Variants in DPP10 observed in about 807,000 individuals in gnomAD.
The protein encoded by DPP10 is inactive dipeptidyl peptidase 10.
Under a neutral mutation model 120.9 loss-of-function variants are expected in DPP10, and 33 were observed. The ratio of observed to expected loss-of-function variants is 0.27; its 90% CI spans 0.21 to 0.37. The LOEUF (loss-of-function observed/expected upper bound fraction) is 0.37. DPP10 is among the 10% of genes least tolerant of loss of function. The pLI is 1.00. For synonymous variants in DPP10, 337 were observed against 326.1 expected, an observed-to-expected ratio of 1.03 and a Z score of -0.36; for missense variants, 816 against 942.8, an observed-to-expected ratio of 0.87 and a Z score of 1.76.
chr2:114,761,572 A>G (rs1680286493), intron 1 of DPP10, among the ~76,000 whole-genome samples: 1 of 152,198 alleles, frequency 6.6e-6, no homozygotes, highest in South Asian at 2.1e-4. Flanking sequence ...GATGTAACCT[A>G]GACCCCTTTG....
intron 1 of DPP10, among the ~76,000 whole-genome samples, chr2:114,953,464 G>C (rs939329756): frequency 2.0e-5 from 3 of 151,954 alleles, no homozygotes; most frequent in Non-Finnish European, 4.4e-5. Context: ...AGTTTTTCTT[G>C]CTCTCACATG....
In DPP10 at chr2:115,843,321, T is replaced by C. The variant is rs1432060164; in HGVS notation, c.*976T>C. The C allele has an allele frequency of 6.6e-6, 1 of 152,644 alleles. No homozygotes were observed. Among genetic ancestry groups the C allele is most frequent in the East Asian group, 1.9e-4 (1 of 5,190 alleles). The allele number at this position is 152,644 out of a possible 1,614,324, so 9.5% of individuals were successfully genotyped here. On this transcript the variant is annotated 3_prime_UTR_variant, in exon 26 of 26. Transcript: ENST00000410059. ...TATAGTTTCTGATAAAGAAATTTTG[T>C]TAACAATGCAATGCCACTGAGTGCT... is the stretch of plus-strand genomic sequence containing the variant.
intron 1 of DPP10, among the ~76,000 whole-genome samples, chr2:115,046,796 T>C (rs941996440): frequency 1.3e-5 from 2 of 152,076 alleles, no homozygotes; most frequent in African/African-American, 4.8e-5. Flanking sequence ...TATTTTTCAG[T>C]TCTTTTCATT....
At chr2:115,780,839 G>A (rs2149864458) in intron 15 of DPP10, 35 bp from the exon 16 acceptor site, 2 of 1,583,318 alleles carry the variant, frequency 1.3e-6, no homozygotes, top group South Asian at 1.2e-5. Flanking sequence ...TAGAATAGTA[G>A]CATTTCTATA....
intron 1 of DPP10, among the ~76,000 whole-genome samples, chr2:114,831,058 T>G (rs1416807238): frequency 1.4e-5 from 1 of 72,284 alleles, no homozygotes; most frequent in Non-Finnish European, 3.2e-5. Flanking sequence ...TTTTTTTTTT[T>G]GCTAAATTTT....
intron 1 of DPP10, among the ~76,000 whole-genome samples, chr2:115,033,711 T>TTTA (rs397985549): frequency 1.5e-5 from 2 of 135,558 alleles, no homozygotes; most frequent in East Asian, 4.2e-4. Context: ...TTTTTTTTTT[T>TTTA]ATTTTTAGAG....
chr2:115,572,142 T>G (rs2081369978), intron 5 of DPP10, among the ~76,000 whole-genome samples: 1 of 151,538 alleles, frequency 6.6e-6, no homozygotes, highest in African/African-American at 2.4e-5. Flanking sequence ...TTATCAAGAT[T>G]AAAAAAAACT....
chr2:115,036,553 C>T (rs1704238558), intron 1 of DPP10, among the ~76,000 whole-genome samples: 1 of 152,052 alleles, frequency 6.6e-6, no homozygotes, highest in African/African-American at 2.4e-5. Context: ...TAAAGGGATA[C>T]CAAAGGAAAC....
chr2:115,370,038 C>T (rs991553214), intron 3 of DPP10, among the ~76,000 whole-genome samples: 3 of 152,092 alleles, frequency 2.0e-5, no homozygotes, highest in Non-Finnish European at 4.4e-5. Flanking sequence ...TGCATGAAGG[C>T]TTTCCTGATT....
chr2:115,336,249 A>G (rs994842071), intron 2 of DPP10, among the ~76,000 whole-genome samples: 1 of 152,080 alleles, frequency 6.6e-6, no homozygotes, highest in Non-Finnish European at 1.5e-5. Flanking sequence ...ATAGCAGTCT[A>G]TGATCTTAAA....
At chr2:115,013,321 C>T (rs1464627486) in intron 1 of DPP10, among the ~76,000 whole-genome samples, 1 of 152,132 alleles carries the variant, frequency 6.6e-6, no homozygotes, top group Non-Finnish European at 1.5e-5. Flanking sequence ...TGAATATTGG[C>T]CCCCACTCTT....
chr2:115,117,541 A>G (rs1373211901), intron 1 of DPP10, among the ~76,000 whole-genome samples: 1 of 152,192 alleles, frequency 6.6e-6, no homozygotes, highest in African/African-American at 2.4e-5. Flanking sequence ...CCAGGATTTC[A>G]AGGCTGCAAT....
rs566717771 is a variant in DPP10, at chr2:115,030,043, T to C, written c.61-279196T>C. Among the ~76,000 whole-genome samples the C allele has an allele frequency of 3.9e-5, 6 of 152,318 alleles. No homozygotes were observed. In the South Asian group the frequency reaches 1.2e-3, roughly 32 times the overall value. The stretch of plus-strand genomic sequence containing the variant: ...CTATAAACTCATGCTGCTTTCACTT[T>C]CCAGGACTTTCAACAATGAATTTCT... On this transcript the variant is annotated intron_variant, in intron 1 of 25. Coordinates refer to ENST00000410059, the MANE Select transcript of DPP10 (RefSeq NM_020868.6).
At chr2:115,672,462 A>C (rs77681823) in intron 5 of DPP10, among the ~76,000 whole-genome samples, 2,995 of 152,270 alleles carry the variant, frequency 0.02, 88 homozygotes, top group African/African-American at 0.067. Context: ...GGGCAAGAAA[A>C]AAATGAGCTC....
At chr2:114,830,813 G>A (rs1344176560) in intron 1 of DPP10, among the ~76,000 whole-genome samples, 1 of 151,778 alleles carries the variant, frequency 6.6e-6, no homozygotes, top group Admixed American at 6.6e-5. Context: ...TTGTCAAACT[G>A]GAGAGGCAAT....
chr2:114,711,691 A>AT lies in DPP10; in HGVS notation c.60+268863dup, dbSNP rs200968378. On this transcript the variant is annotated intron_variant, in intron 1 of 25. Coordinates refer to ENST00000410059, the MANE Select transcript of DPP10 (RefSeq NM_020868.6). ...CTCTGAGACTGTCCACGTTTTAATT[A>AT]TTTTTTTTTTGTGATAGTTCCAATA... 1.3e-3 allele frequency among the ~76,000 whole-genome samples: 198 copies of AT among 149,784 alleles called. 1 individual carries two copies. Among genetic ancestry groups the AT allele is most frequent in the Middle Eastern group, 3.4e-3 (1 of 290 alleles).
chr2:114,958,703 T>C (rs1698392027), intron 1 of DPP10, among the ~76,000 whole-genome samples: 1 of 152,194 alleles, frequency 6.6e-6, no homozygotes, highest in East Asian at 1.9e-4. Context: ...ATATTATTGA[T>C]GGTGTCATAC....
intron 1 of DPP10, among the ~76,000 whole-genome samples, chr2:114,916,173 A>G (rs1694789416): frequency 6.6e-6 from 1 of 152,176 alleles, no homozygotes; most frequent in South Asian, 2.1e-4. Context: ...AAATACAGAA[A>G]ATCCTCAGAG....
chr2:114,988,752 C>T (rs1031241917), intron 1 of DPP10, among the ~76,000 whole-genome samples: 1 of 152,254 alleles, frequency 6.6e-6, no homozygotes, highest in Non-Finnish European at 1.5e-5. Flanking sequence ...ACCTCTTAAT[C>T]GTTAAATTAT....
Sources: gnomAD v4.1 joint callset for allele counts (sites outside exome capture counted in the v4.1 genomes callset) on GRCh38, gnomAD v4.1.1 for gene constraint, MANE v1.5 for transcripts, NCBI Gene and HGNC (gene_info 2026-07-23, HGNC 2026-07-21) for gene names.